A2M: variants seen among roughly 807,000 people sequenced by gnomAD.
A2M encodes alpha-2-macroglobulin, also known as C3 and PZP-like alpha-2-macroglobulin domain-containing protein 5.
Under a neutral mutation model 183.9 loss-of-function variants are expected in A2M, and 128 were observed. The observed-to-expected ratio is 0.70, with a 90% CI of 0.60 to 0.81. The LOEUF (loss-of-function observed/expected upper bound fraction) is 0.81, where lower values mean the gene tolerates loss of function less well. A2M is among the 30% of genes least tolerant of loss of function. The probability of loss-of-function intolerance (pLI) is 0.00; values close to 1 mark genes in which losing one functional copy is unlikely to be tolerated. For missense variants in A2M, 1,495 were observed against 1,787.6 expected (o/e 0.84, Z 2.95); for synonymous variants, 592 against 670.8 (o/e 0.88, Z 1.81).
intron 22 of A2M, among the ~76,000 whole-genome samples, chr12:9,086,091 C>T (rs761782605): frequency 6.6e-6 from 1 of 152,268 alleles, no homozygotes; most frequent in Non-Finnish European, 1.5e-5. Flanking sequence ...ACCAATCCTT[C>T]TCAAACTCTG....
chr12:9,096,809 T>C (rs749214050), intron 15 of A2M, among the ~76,000 whole-genome samples: 3 of 152,346 alleles, frequency 2.0e-5, no homozygotes, highest in African/African-American at 7.2e-5. Flanking sequence ...GTCTGTCTCA[T>C]CTATGGGACA....
chr12:9,102,461 C>T (rs1020031841), intron 11 of A2M, among the ~76,000 whole-genome samples: 2 of 152,164 alleles, frequency 1.3e-5, no homozygotes, highest in Non-Finnish European at 2.9e-5. Context: ...CGCAATCCAC[C>T]CACCTCAGCC....
Position 9,072,769 on chromosome 12 carries a change from A to C in A2M, c.3859T>G (p.Ser1287Ala), listed in dbSNP as rs1948616788. Reference sequence around the variant, plus strand: ...TTGTTGTCCACTTGGAATTTGCTGGAAAATGTCCCTGAAGACTGGATAGTC... The same window carrying C: ...TTGTTGTCCACTTGGAATTTGCTGGCAAATGTCCCTGAAGACTGGATAGTC... ...QVTIQSSGTF[S>A]SKFQVDNNNR... The change falls in exon 30 of 36, where the codon TCC (serine) becomes GCC (alanine). Residue 1287 changes from serine to alanine, a missense_variant. Coordinates refer to ENST00000318602, the MANE Select transcript of A2M (RefSeq NM_000014.6). The C allele has an allele frequency of 6.2e-7, 1 of 1,614,090 alleles. No individual in the cohort carries two copies. Among genetic ancestry groups the C allele is most frequent in the Non-Finnish European group, 8.5e-7 (1 of 1,180,040 alleles).
At chr12:9,078,188 C>T (rs73241991) in intron 25 of A2M, among the ~76,000 whole-genome samples, 2,432 of 152,228 alleles carry the variant, frequency 0.016, 68 homozygotes, top group African/African-American at 0.056. Flanking sequence ...AGTTCCCTCC[C>T]GTCACCCCAC....
In A2M at chr12:9,074,577, C is replaced by T; in HGVS notation, c.3739G>A (p.Gly1247Ser). 1.2e-6 allele frequency: 2 copies of T among 1,611,376 alleles called. No individual in the cohort carries two copies. Among genetic ancestry groups the T allele is most frequent in the Non-Finnish European group, 1.7e-6 (2 of 1,178,790 alleles). ...TCACCAACCTGGGTGGAGGAGAAAC[C>T]GCCCTGGGCATTCTGCTGCTTCGTG... The part of the protein sequence containing the change: ...WITKQQNAQG[G>S]FSSTQDTVVA... The change falls in exon 29 of 36, where the codon GGT (glycine) becomes AGT (serine). Residue 1247 changes from glycine (G) to serine (S), a missense_variant. Coordinates refer to ENST00000318602, the MANE Select transcript of A2M (RefSeq NM_000014.6).
intron 4 of A2M, among the ~76,000 whole-genome samples, chr12:9,110,687 CCTG>C (rs1352351965): frequency 7.9e-5 from 12 of 151,736 alleles, no homozygotes; most frequent in Non-Finnish European, 1.2e-4. Flanking sequence ...AATATATATA[CCTG>C]CTATGTTTCC....
Position 9,091,334 on chromosome 12 carries a change from C to A in A2M, c.2336G>T (p.Gly779Val). The change falls in exon 19 of 36, where the codon GGT (glycine) becomes GTT (valine). Residue 779 changes from glycine (G) to valine (V), a missense_variant. Transcript: ENST00000318602. ...AFCLSEDAGL[G>V]ISSTASLRAF... ...TCGGAGAGAGGCAGTGGAAGAGATA[C>A]CAAGTCCAGCATCTTCAGACAGGCA... 1 of 1,614,184 alleles carries A rather than the reference C, an allele frequency of 6.2e-7. No homozygotes were observed. Among genetic ancestry groups the A allele is most frequent in the Non-Finnish European group, 8.5e-7 (1 of 1,180,038 alleles).
chr12:9,090,117 T>A (rs116658116), intron 20 of A2M, 94 bp from the exon 21 acceptor site: 7 of 1,518,986 alleles, frequency 4.6e-6, no homozygotes, highest in Middle Eastern at 1.8e-4. Context: ...TCTGTAAACT[T>A]TTGTTTTATT....
chr12:9,074,831 T>C, intron 28 of A2M, 48 bp from the exon 29 acceptor site: 1 of 1,535,446 alleles, frequency 6.5e-7, no homozygotes, highest in Non-Finnish European at 8.8e-7. Flanking sequence ...TATTTATATT[T>C]AATTCAAGGT....
At chr12:9,109,192 TGAG>T in intron 7 of A2M, 126 bp downstream of exon 7, 1 of 649,518 alleles carries the variant, frequency 1.5e-6, no homozygotes, top group Non-Finnish European at 2.7e-6. Context: ...ATTCTACAGA[TGAG>T]GATGCTGTCA....
chr12:9,105,582 G>C (rs375483853), intron 10 of A2M, among the ~76,000 whole-genome samples: 2 of 152,096 alleles, frequency 1.3e-5, no homozygotes, highest in African/African-American at 4.8e-5. Context: ...GACTTCTAGA[G>C]TCATAAAGAT....
chr12:9,110,892 C>T (rs914267367), intron 4 of A2M, among the ~76,000 whole-genome samples: 1 of 151,982 alleles, frequency 6.6e-6, no homozygotes, highest in African/African-American at 2.4e-5. Context: ...TGTAAAGTGC[C>T]ATTTACTAAA....
chr12:9,091,321 A>G lies in A2M; in HGVS notation c.2349T>C (p.Thr783=). 8 of 1,614,204 alleles carry G rather than the reference A, an allele frequency of 5.0e-6. No homozygotes were observed. Among genetic ancestry groups the G allele is most frequent in the Non-Finnish European group, 6.8e-6 (8 of 1,180,042 alleles). The stretch of plus-strand genomic sequence containing the variant: ...AGGGCTGGAAGGCTCGGAGAGAGGC[A>G]GTGGAAGAGATACCAAGTCCAGCAT... ...SEDAGLGISS[T]ASLRAFQPFF... is the part of the protein sequence containing the mutation. The change falls in exon 19 of 36, where the codon ACT becomes ACC. Residue 783 remains threonine, a synonymous_variant. Coordinates refer to ENST00000318602, the MANE Select transcript of A2M (RefSeq NM_000014.6).
At chr12:9,116,012 T>C, upstream of A2M, 1 of 682,660 alleles carries the variant, frequency 1.5e-6, no homozygotes, top group Non-Finnish European at 2.7e-6. Context: ...TTGAGGTCTC[T>C]GAACATTCTC....
At chr12:9,103,662 T>C (rs1938064057) in intron 11 of A2M, among the ~76,000 whole-genome samples, 1 of 152,192 alleles carries the variant, frequency 6.6e-6, no homozygotes, top group Non-Finnish European at 1.5e-5. Flanking sequence ...AATCATACAG[T>C]ATTGGTCTTT....
At position 9,109,637 on chromosome 12, in the gene A2M, GT is replaced by G. The variant is rs1254542620; in HGVS notation, c.673+229del. Among the ~76,000 whole-genome samples, 4 of 152,276 alleles carry G rather than the reference GT, an allele frequency of 2.6e-5. 1 individual carries two copies. In the Middle Eastern group the frequency reaches 0.014, roughly 518 times the overall value. ...TGGAAAACTCCATTAAAACAAGAAT[GT>G]TTTAATTTTGGGGGTTGGTATTAAA... On this transcript the variant is annotated intron_variant, in intron 6 of 35. Transcript: ENST00000318602.
intron 22 of A2M, among the ~76,000 whole-genome samples, chr12:9,084,861 A>G (rs1283966537): frequency 6.6e-6 from 1 of 152,140 alleles, no homozygotes; most frequent in African/African-American, 2.4e-5. Context: ...ATGGGGACTA[A>G]AAGAGAGCAG....
upstream of A2M, chr12:9,115,999 A>C: frequency 1.4e-6 from 1 of 698,242 alleles, no homozygotes. Context: ...TCTCTAAACA[A>C]AGTTGAGGTC....
intron 22 of A2M, among the ~76,000 whole-genome samples, chr12:9,086,490 T>C (rs1949055438): frequency 6.6e-6 from 1 of 152,222 alleles, no homozygotes; most frequent in Non-Finnish European, 1.5e-5. Context: ...GTTCAACATA[T>C]GCATATCAAT....
Sources: gnomAD v4.1 joint callset for allele counts (sites outside exome capture counted in the v4.1 genomes callset) on GRCh38, gnomAD v4.1.1 for gene constraint, MANE v1.5 for transcripts, NCBI Gene and HGNC (gene_info 2026-07-23, HGNC 2026-07-21) for gene names.